The following TENM4 variants were observed in gnomAD, a reference collection of about 807,000 sequenced individuals.
The protein encoded by TENM4 is teneurin-4.
Under a neutral mutation model 243.3 loss-of-function variants are expected in TENM4, and 82 were observed. That is an observed-to-expected ratio of 0.34 (90% CI 0.28 to 0.40). The LOEUF (loss-of-function observed/expected upper bound fraction) is 0.40. Ranked by LOEUF, TENM4 falls within the 10% of genes least tolerant of loss-of-function variation. The pLI, the probability that TENM4 is intolerant of heterozygous loss-of-function variation, is 1.00. For synonymous variants in TENM4, 1,412 were observed against 1,456.3 expected (o/e 0.97, Z 0.69); for missense variants, 3,138 against 3,673.3 (o/e 0.85, Z 3.77).
At chr11:78,782,477 A>T (rs970159222) in intron 16 of TENM4, among the ~76,000 whole-genome samples, 1 of 152,186 alleles carries the variant, frequency 6.6e-6, no homozygotes, top group Admixed American at 6.5e-5. Context: ...GGCGTCTGTG[A>T]TCCCGGCTAC....
chr11:79,406,321 A>T (rs1322374216), intron 1 of TENM4, among the ~76,000 whole-genome samples: 1 of 152,216 alleles, frequency 6.6e-6, no homozygotes. Context: ...TCATTATCTT[A>T]AGTGAAAAAA....
In TENM4 at chr11:79,062,960, G is replaced by GTAC. The variant is rs144975745; in HGVS notation, c.493+1775_493+1777dup. Among the ~76,000 whole-genome samples the GTAC allele has an allele frequency of 3.3e-5, 5 of 152,202 alleles. No individual in the cohort carries two copies. In the East Asian group the frequency reaches 5.8e-4, roughly 18 times the overall value. ...CACCAGAGAGAGGGAAACTCCTCTG[G>GTAC]TACTGAGGTCATCGGCCCCTTCACA... On this transcript the variant is annotated intron_variant, in intron 6 of 33. Coordinates refer to ENST00000278550, the MANE Select transcript of TENM4 (RefSeq NM_001098816.3).
At chr11:79,373,536 G>A (rs943799209) in intron 1 of TENM4, among the ~76,000 whole-genome samples, 1 of 152,106 alleles carries the variant, frequency 6.6e-6, no homozygotes, top group Non-Finnish European at 1.5e-5. Flanking sequence ...GTGGGTGGGT[G>A]GATGGATAGT....
intron 3 of TENM4, among the ~76,000 whole-genome samples, chr11:79,153,034 C>A (rs189382966): frequency 6.6e-6 from 1 of 152,080 alleles, no homozygotes; most frequent in Non-Finnish European, 1.5e-5. Flanking sequence ...TGCCTTACTG[C>A]GGGGAAAGTT....
intron 6 of TENM4, among the ~76,000 whole-genome samples, chr11:78,912,080 G>A (rs1856202055): frequency 6.6e-6 from 1 of 152,168 alleles, no homozygotes; most frequent in African/African-American, 2.4e-5. Flanking sequence ...GGCCTGGCAT[G>A]AGTGAGCAAA....
chr11:78,964,070 G>A (rs1214305009), intron 6 of TENM4, among the ~76,000 whole-genome samples: 1 of 129,412 alleles, frequency 7.7e-6, no homozygotes, highest in Non-Finnish European at 1.6e-5. Context: ...CCTAGATGGA[G>A]TCTTGCTCTG....
chr11:78,835,942 G>A (rs1287130394), intron 12 of TENM4, among the ~76,000 whole-genome samples: 7 of 152,202 alleles, frequency 4.6e-5, no homozygotes, highest in Admixed American at 6.5e-5. Flanking sequence ...TATAGAAGGT[G>A]CAAAAGAAAC....
chr11:79,088,844 G>T (rs532064568), intron 4 of TENM4, among the ~76,000 whole-genome samples: 8 of 152,298 alleles, frequency 5.3e-5, no homozygotes, highest in African/African-American at 1.9e-4. Context: ...GGTGACAAGG[G>T]TTTGGTTCTT....
chr11:78,807,176 T>C (rs1857406784), intron 14 of TENM4, among the ~76,000 whole-genome samples: 1 of 152,240 alleles, frequency 6.6e-6, no homozygotes, highest in Non-Finnish European at 1.5e-5. Context: ...AAATATCTCT[T>C]TGGGACTCTG....
chr11:79,282,834 G>A (rs1480085169), intron 2 of TENM4, among the ~76,000 whole-genome samples: 4 of 152,000 alleles, frequency 2.6e-5, no homozygotes, highest in African/African-American at 9.6e-5. Flanking sequence ...AAAACTGCAG[G>A]AAAAAGGCAG....
At position 79,082,726 on chromosome 11, in the gene TENM4, A is replaced by G. The variant is rs1351620531; in HGVS notation, c.-65-12717T>C. ...GCAGGAAAGGTGGATTAGTAAAGGC[A>G]TCTTGGAAAGGAAGCTATGTAGAAA... On this transcript the variant is annotated intron_variant, in intron 4 of 33. Transcript: ENST00000278550. Among the ~76,000 whole-genome samples the G allele has an allele frequency of 3.9e-5, 6 of 152,186 alleles. No individual in the cohort carries two copies. In the East Asian group the frequency reaches 1.2e-3, roughly 29 times the overall value.
chr11:79,105,052 AT>A (rs1861331922), intron 4 of TENM4, among the ~76,000 whole-genome samples: 1 of 152,212 alleles, frequency 6.6e-6, no homozygotes, highest in Admixed American at 6.5e-5. Context: ...GAAAGATGCA[AT>A]TTACAATTAA....
intron 2 of TENM4, among the ~76,000 whole-genome samples, chr11:79,220,116 C>T (rs1864129485): frequency 6.6e-6 from 1 of 152,236 alleles, no homozygotes; most frequent in Non-Finnish European, 1.5e-5. Flanking sequence ...ACTCAGCGTT[C>T]CTGTGCCCTG....
At chr11:79,147,449 A>T (rs1862414970) in intron 4 of TENM4, among the ~76,000 whole-genome samples, 1 of 151,920 alleles carries the variant, frequency 6.6e-6, no homozygotes, top group South Asian at 2.1e-4. Flanking sequence ...GCAACCCATC[A>T]TCCTTGTCTG....
intron 1 of TENM4, among the ~76,000 whole-genome samples, chr11:79,425,654 C>T (rs1590958023): frequency 6.6e-6 from 1 of 152,170 alleles, no homozygotes. Context: ...ACAGTAGGTG[C>T]CTCTTAGCAC....
chr11:78,728,106 G>A (rs1855564885), intron 22 of TENM4, among the ~76,000 whole-genome samples: 1 of 152,136 alleles, frequency 6.6e-6, no homozygotes, highest in Non-Finnish European at 1.5e-5. Flanking sequence ...TTCTCAAGAG[G>A]TTATAAGGCC....
chr11:78,845,508 C>T (rs932767219), intron 12 of TENM4, among the ~76,000 whole-genome samples: 1 of 152,208 alleles, frequency 6.6e-6, no homozygotes, highest in Admixed American at 6.5e-5. Flanking sequence ...CTACCCCCAA[C>T]TGTACTCCTG....
chr11:78,978,401 G>A (rs1167772671), intron 6 of TENM4, among the ~76,000 whole-genome samples: 2 of 119,784 alleles, frequency 1.7e-5, no homozygotes, highest in African/African-American at 5.7e-5. Context: ...AAAAGAAAAG[G>A]AGCCTTAGCA....
At chr11:79,352,582 C>G (rs1417673307) in intron 1 of TENM4, among the ~76,000 whole-genome samples, 1 of 152,176 alleles carries the variant, frequency 6.6e-6, no homozygotes, top group African/African-American at 2.4e-5. Flanking sequence ...ATGTGCATGA[C>G]CCCCATGGAA....
Sources: allele counts gnomAD v4.1 joint callset (sites outside exome capture counted in the v4.1 genomes callset), GRCh38; gene constraint gnomAD v4.1.1; transcripts MANE v1.5; gene names NCBI Gene and HGNC (gene_info 2026-07-23, HGNC 2026-07-21).